The following PPME1 variants were observed in gnomAD, a reference collection of about 807,000 sequenced individuals.
PPME1 encodes the protein testicular secretory protein Li 39.
PPME1 carries 17 observed loss-of-function variants against 56.9 expected under a neutral mutation model. That is an observed-to-expected ratio of 0.30 (90% CI 0.20 to 0.45). The LOEUF (loss-of-function observed/expected upper bound fraction) is 0.45. PPME1 is among the 20% of genes least tolerant of loss of function. PPME1 has a pLI of 1.00. For missense variants in PPME1, 357 were observed against 483.2 expected (o/e 0.74, Z 2.45); for synonymous variants, 122 against 156.2 (o/e 0.78, Z 1.63).
At chr11:74,221,543 CT>C (rs757513881) in intron 3 of PPME1, among the ~76,000 whole-genome samples, 1 of 152,142 alleles carries the variant, frequency 6.6e-6, no homozygotes, top group East Asian at 1.9e-4. Context: ...TTATGTGACC[CT>C]GGGCAAATAA....
chr11:74,181,682 C>G (rs1857542408), intron 1 of PPME1, among the ~76,000 whole-genome samples: 1 of 152,144 alleles, frequency 6.6e-6, no homozygotes. Context: ...AAATAAAGTT[C>G]TGAGGCTTTT....
intron 5 of PPME1, among the ~76,000 whole-genome samples, chr11:74,229,840 A>T (rs1464941654): frequency 6.6e-6 from 1 of 152,230 alleles, no homozygotes; most frequent in South Asian, 2.1e-4. Context: ...GGTTTACTAC[A>T]TTATAATGCT....
intron 1 of PPME1, among the ~76,000 whole-genome samples, chr11:74,194,985 A>T (rs1298299386): frequency 1.3e-5 from 2 of 152,194 alleles, no homozygotes; most frequent in Non-Finnish European, 2.9e-5. Flanking sequence ...GAGCAGATGA[A>T]TGGAGGATGC....
chr11:74,228,758 G>T (rs1167519161), intron 5 of PPME1, among the ~76,000 whole-genome samples: 1 of 152,188 alleles, frequency 6.6e-6, no homozygotes, highest in African/African-American at 2.4e-5. Context: ...GCTGCTGAAG[G>T]ATTACGTTAG....
chr11:74,249,446 A>T (rs551910937), intron 11 of PPME1: 1 of 152,320 alleles, frequency 6.6e-6, no homozygotes, highest in East Asian at 1.9e-4. Context: ...ATGTTATTTT[A>T]TGTGTACCTG....
intron 3 of PPME1, among the ~76,000 whole-genome samples, chr11:74,219,623 T>G (rs1858746751): frequency 5.9e-5 from 9 of 152,136 alleles, no homozygotes; most frequent in Admixed American, 5.9e-4. Context: ...GTCATTACGG[T>G]AAGTGAAATA....
At chr11:74,245,667 T>C (rs764757864) in intron 9 of PPME1, among the ~76,000 whole-genome samples, 1 of 152,206 alleles carries the variant, frequency 6.6e-6, no homozygotes, top group Non-Finnish European at 1.5e-5. Flanking sequence ...CTAACTTAGA[T>C]GACATGTTGT....
At chr11:74,194,128 G>A (rs891366195) in intron 1 of PPME1, among the ~76,000 whole-genome samples, 24 of 152,222 alleles carry the variant, frequency 1.6e-4, no homozygotes, top group African/African-American at 5.5e-4. Context: ...TTTGAGAGCT[G>A]TCTTTGTTTT....
At chr11:74,221,538 T>G (rs925462988) in intron 3 of PPME1, among the ~76,000 whole-genome samples, 1 of 152,210 alleles carries the variant, frequency 6.6e-6, no homozygotes, top group African/African-American at 2.4e-5. Context: ...ATTTGTTATG[T>G]GACCCTGGGC....
chr11:74,236,056 A>G (rs1156463884), intron 8 of PPME1, 90 bp downstream of exon 8: 11 of 1,525,492 alleles, frequency 7.2e-6, no homozygotes, highest in African/African-American at 2.8e-5. Flanking sequence ...CACCAATTCT[A>G]CCATTCCGGT....
At position 74,246,260 on chromosome 11, in the gene PPME1, T is replaced by C. The variant is rs985208206; in HGVS notation, c.964+55T>C. On this transcript the variant is annotated intron_variant, in intron 10 of 13. Transcript: ENST00000328257. ...CTCAGGCTGCCATAACCAAATATCATAGACTGAGTGGCTTAAACAACAGAA... is the reference window on the plus strand; with the variant it reads ...CTCAGGCTGCCATAACCAAATATCACAGACTGAGTGGCTTAAACAACAGAA... 4 of 1,434,160 alleles carry C rather than the reference T, an allele frequency of 2.8e-6. No homozygotes were observed. The African/African-American group carries it at 4.4e-5, about 16-fold the overall frequency. 88.8% of individuals were successfully genotyped at this position (1,434,160 alleles called of 1,614,324 possible).
At chr11:74,247,330 T>A (rs1859529190) in intron 11 of PPME1, among the ~76,000 whole-genome samples, 1 of 151,998 alleles carries the variant, frequency 6.6e-6, no homozygotes, top group African/African-American at 2.4e-5. Flanking sequence ...TAAAAAAAAA[T>A]CCATCCAAAA....
At chr11:74,209,364 A>G (rs981999826) in intron 3 of PPME1, among the ~76,000 whole-genome samples, 1 of 152,166 alleles carries the variant, frequency 6.6e-6, no homozygotes, top group African/African-American at 2.4e-5. Context: ...CAGCCTCTCA[A>G]AGTGCTGGGT....
chr11:74,177,338 T>G (rs1304018242), intron 1 of PPME1, among the ~76,000 whole-genome samples: 1 of 151,808 alleles, frequency 6.6e-6, no homozygotes, highest in African/African-American at 2.4e-5. Flanking sequence ...GGTGTGTGCC[T>G]GTAGTCCCAG....
chr11:74,172,491 CTT>C (rs1411851408), intron 1 of PPME1, among the ~76,000 whole-genome samples: 2 of 152,170 alleles, frequency 1.3e-5, no homozygotes, highest in Admixed American at 6.5e-5. Flanking sequence ...TGGCCTAAGA[CTT>C]TGAATTAGTG....
chr11:74,186,563 C>T (rs1025977010), intron 1 of PPME1, among the ~76,000 whole-genome samples: 2 of 152,028 alleles, frequency 1.3e-5, no homozygotes, highest in Non-Finnish European at 2.9e-5. Flanking sequence ...TAATAGCTAC[C>T]CCAGAGGCTT....
At chr11:74,242,776 G>A (rs995756950) in intron 9 of PPME1, among the ~76,000 whole-genome samples, 2 of 150,930 alleles carry the variant, frequency 1.3e-5, no homozygotes, top group Admixed American at 6.6e-5. Context: ...CTACTCGGGA[G>A]GCTGAGGCAG....
intron 3 of PPME1, among the ~76,000 whole-genome samples, chr11:74,208,459 G>A (rs936582991): frequency 1.3e-5 from 2 of 152,080 alleles, no homozygotes; most frequent in Non-Finnish European, 2.9e-5. Flanking sequence ...CTGTTCTTAC[G>A]ATGTTTAAAT....
chr11:74,230,380 C>T lies in PPME1; in HGVS notation c.534C>T (p.Cys178=), dbSNP rs1427980407. 2 of 1,613,734 alleles carry T rather than the reference C, an allele frequency of 1.2e-6. No individual in the cohort carries two copies. Among genetic ancestry groups the T allele is most frequent in the South Asian group, 1.1e-5 (1 of 91,040 alleles). ...SNLVPSLLGL[C]MIDVVEGTAM... ...TGGTACCAAGCCTCTTGGGTCTGTG[C>T]ATGATTGATGTTGTAGAAGGTGAGT... The change falls in exon 6 of 14, where the codon TGC becomes TGT. Residue 178 remains cysteine (C), a synonymous_variant. Coordinates refer to ENST00000328257, the MANE Select transcript of PPME1 (RefSeq NM_016147.3). This position sits in a 1 kb window ranked among gnomAD's most constrained non-coding sequence, Gnocchi z 4.9.
Sources: gnomAD v4.1 joint callset for allele counts (sites outside exome capture counted in the v4.1 genomes callset) on GRCh38, gnomAD v4.1.1 for gene constraint, Gnocchi (gnomAD v3.1) non-coding constraint, MANE v1.5 for transcripts, NCBI Gene and HGNC (gene_info 2026-07-23, HGNC 2026-07-21) for gene names.